The following ZNF239 variants were observed in gnomAD, a reference collection of about 807,000 sequenced individuals.
The protein encoded by ZNF239 is zinc finger protein 239.
A neutral mutation model predicts 27.5 loss-of-function variants in ZNF239; 16 were observed. The ratio of observed to expected loss-of-function variants is 0.58; its 90% CI spans 0.39 to 0.88. The LOEUF (loss-of-function observed/expected upper bound fraction) is 0.88, where lower values mean the gene tolerates loss of function less well. Ranked by LOEUF, ZNF239 falls within the 40% of genes least tolerant of loss-of-function variation. The pLI, the probability that ZNF239 is intolerant of heterozygous loss-of-function variation, is 0.00. For missense variants in ZNF239, 527 were observed against 551.9 expected, an observed-to-expected ratio of 0.95 and a Z score of 0.45; for synonymous variants, 199 against 192.6, an observed-to-expected ratio of 1.03 and a Z score of -0.27.
rs1300677985 is a variant in ZNF239, at chr10:43,557,459, G to A, written c.621C>T (p.Tyr207=). The change falls in exon 4 of 4, where the codon TAC becomes TAT. Residue 207 remains tyrosine, a synonymous_variant. Coordinates refer to ENST00000374446, the MANE Select transcript of ZNF239 (RefSeq NM_001099282.2). ...YEKIHTAEKQ[Y]ECSQCGKNFS... is the part of the protein sequence containing the mutation. ...AGTTCTTACCACACTGACTACATTC[G>A]TATTGTTTCTCTGCAGTGTGGATTT... The A allele has an allele frequency of 9.9e-6, 16 of 1,613,962 alleles. No individual in the cohort carries two copies. Among genetic ancestry groups the A allele is most frequent in the Admixed American group, 1.7e-5 (1 of 59,992 alleles).
At chr10:43,572,692 C>T (rs1184167672) in intron 2 of ZNF239, among the ~76,000 whole-genome samples, 3 of 152,144 alleles carry the variant, frequency 2.0e-5, no homozygotes, top group South Asian at 2.1e-4. Flanking sequence ...AAGAGGGGGC[C>T]GACCATCTCA....
At chr10:43,558,990 G>A (rs976918747) in intron 3 of ZNF239, among the ~76,000 whole-genome samples, 1 of 151,932 alleles carries the variant, frequency 6.6e-6, no homozygotes, top group Non-Finnish European at 1.5e-5. Flanking sequence ...CTCAGACCCT[G>A]GTGTTTAGGA....
intron 3 of ZNF239, among the ~76,000 whole-genome samples, chr10:43,565,793 T>C (rs10899829): frequency 0.97 from 131,365 of 135,952 alleles, 63,516 homozygotes; most frequent in East Asian, 1. Context: ...CCAGCCTGGG[T>C]GACAGAACAA....
At chr10:43,565,054 T>C (rs1253354694) in intron 3 of ZNF239, among the ~76,000 whole-genome samples, 1 of 152,094 alleles carries the variant, frequency 6.6e-6, no homozygotes, top group Non-Finnish European at 1.5e-5. Flanking sequence ...GGGGTGAGAA[T>C]TGGTTCATAG....
chr10:43,558,954 C>A (rs1342448543), intron 3 of ZNF239, among the ~76,000 whole-genome samples: 1 of 151,792 alleles, frequency 6.6e-6, no homozygotes, highest in East Asian at 1.9e-4. Flanking sequence ...TAACCAGCCA[C>A]GAAAGCACAG....
At chr10:43,563,597 A>G (rs1837424786) in intron 3 of ZNF239, among the ~76,000 whole-genome samples, 1 of 152,224 alleles carries the variant, frequency 6.6e-6, no homozygotes, top group Admixed American at 6.5e-5. Flanking sequence ...TCTTACTTGC[A>G]TAAAAGAAAA....
intron 2 of ZNF239, among the ~76,000 whole-genome samples, chr10:43,572,581 T>C (rs1838099723): frequency 1.3e-5 from 2 of 152,250 alleles, no homozygotes; most frequent in African/African-American, 2.4e-5. Context: ...GGTTTATTTC[T>C]GGCCTTCTGC....
chr10:43,557,020 T>C lies in ZNF239; in HGVS notation c.1060A>G (p.Lys354Glu). The change falls in exon 4 of 4, where the codon AAG becomes GAG. Residue 354 changes from lysine (K) to glutamate (E), a missense_variant. Transcript: ENST00000374446. ...AGGTTCGAGCTCTGACTGAAGCCCTTCCCACACTCACCACACTTGTAGGGC... is the reference window on the plus strand; with the variant it reads ...AGGTTCGAGCTCTGACTGAAGCCCTCCCCACACTCACCACACTTGTAGGGC... Reference protein sequence around the residue: ...ERPYKCGECGKGFSQSSNLHI... With the variant: ...ERPYKCGECGEGFSQSSNLHI... The C allele has an allele frequency of 6.2e-7, 1 of 1,613,980 alleles. No homozygotes were observed. Among genetic ancestry groups the C allele is most frequent in the Non-Finnish European group, 8.5e-7 (1 of 1,179,982 alleles).
At position 43,557,242 on chromosome 10, in the gene ZNF239, T is replaced by G. The variant is rs763990605; in HGVS notation, c.838A>C (p.Ile280Leu). ...TCGCCTGTATGGACGGCATGATGGA[T>G]GAGCAGACTTGAGCTCCTGGTGAAG... ...KGFTRSSSLLIHHAVHTGEKP... is the reference protein window; with the variant it reads ...KGFTRSSSLLLHHAVHTGEKP... The change falls in exon 4 of 4, where the codon ATC (isoleucine) becomes CTC (leucine). Residue 280 changes from isoleucine to leucine, a missense_variant. By Grantham distance (5) the Ile-to-Leu change is conservative (BLOSUM62 2). Coordinates refer to ENST00000374446, the MANE Select transcript of ZNF239 (RefSeq NM_001099282.2). The G allele has an allele frequency of 5.0e-6, 8 of 1,614,124 alleles. No individual in the cohort carries two copies. Among genetic ancestry groups the G allele is most frequent in the Non-Finnish European group, 6.8e-6 (8 of 1,180,008 alleles).
chr10:43,573,089 T>C (rs1402455819), intron 2 of ZNF239, among the ~76,000 whole-genome samples: 1 of 152,222 alleles, frequency 6.6e-6, no homozygotes, highest in Non-Finnish European at 1.5e-5. Context: ...AGAGTTCTGA[T>C]GCATAGCCTA....
At chr10:43,567,795 T>C (rs772399050) in intron 3 of ZNF239, 104 bp downstream of exon 3, 10 of 624,196 alleles carry the variant, frequency 1.6e-5, no homozygotes, top group Non-Finnish European at 1.6e-5. Context: ...TACCAAGTTC[T>C]TTAGCTGCTT....
At chr10:43,570,685 T>C in intron 2 of ZNF239, 1 of 939,582 alleles carries the variant, frequency 1.1e-6, no homozygotes, top group South Asian at 4.9e-5. Flanking sequence ...CTCCAATGTG[T>C]TACCTCTTTT....
At position 43,557,413 on chromosome 10, in the gene ZNF239, G is replaced by C; in HGVS notation, c.667C>G (p.Leu223Val). ...GKNFSQSSEL[L>V]LHQRDHTEEK... ...TCTGTGTGGTCTCTCTGATGAAGTA[G>C]TAGCTCTGAGCTTTGACTGAAGTTC... is the stretch of plus-strand genomic sequence containing the variant. The change falls in exon 4 of 4, where the codon CTA becomes GTA. Residue 223 changes from leucine to valine, a missense_variant. Leu to Val is a conservative substitution (Grantham distance 32, BLOSUM62 1). Coordinates refer to ENST00000374446, the MANE Select transcript of ZNF239 (RefSeq NM_001099282.2). The C allele has an allele frequency of 6.2e-7, 1 of 1,614,210 alleles. No homozygotes were observed. Among genetic ancestry groups the C allele is most frequent in the Non-Finnish European group, 8.5e-7 (1 of 1,180,040 alleles).
chr10:43,563,814 G>C (rs1837442169), intron 3 of ZNF239, among the ~76,000 whole-genome samples: 1 of 151,348 alleles, frequency 6.6e-6, no homozygotes, highest in South Asian at 2.1e-4. Flanking sequence ...TTTTTTTTGA[G>C]ATGGGGTCAC....
chr10:43,569,550 T>C (rs1242579854), intron 2 of ZNF239, among the ~76,000 whole-genome samples: 1 of 152,186 alleles, frequency 6.6e-6, no homozygotes, highest in Non-Finnish European at 1.5e-5. Flanking sequence ...TCATTGTAGC[T>C]TCTGCACTAG....
In ZNF239 at chr10:43,558,064, TA is replaced by T. The variant is rs765406745; in HGVS notation, c.15del (p.Thr6LeufsTer8). 7 of 1,613,658 alleles carry T rather than the reference TA, an allele frequency of 4.3e-6. No individual in the cohort carries two copies. Among genetic ancestry groups the T allele is most frequent in the Non-Finnish European group, 4.2e-6 (5 of 1,179,780 alleles). MAST[I>X]TGSQDCIVNH... ...TTCACAATACAATCCTGACTTCCAGTAATTGTACTGGCCATGCCTTCCAAAA... is the reference window on the plus strand; with the variant it reads ...TTCACAATACAATCCTGACTTCCAGTATTGTACTGGCCATGCCTTCCAAAA... On this transcript the variant is annotated frameshift_variant, in exon 4 of 4. Coordinates refer to ENST00000374446, the MANE Select transcript of ZNF239 (RefSeq NM_001099282.2). LOFTEE classifies it low-confidence loss of function (END_TRUNC).
At chr10:43,572,202 A>G (rs572206724) in intron 2 of ZNF239, among the ~76,000 whole-genome samples, 1 of 152,322 alleles carries the variant, frequency 6.6e-6, no homozygotes, top group East Asian at 1.9e-4. Flanking sequence ...AAAATTTACT[A>G]AACTGGCAAT....
chr10:43,559,293 A>C (rs771481861), intron 3 of ZNF239, among the ~76,000 whole-genome samples: 1 of 152,228 alleles, frequency 6.6e-6, no homozygotes, highest in Non-Finnish European at 1.5e-5. Context: ...ACACCACTGG[A>C]AAGCAAGACT....
intron 2 of ZNF239, chr10:43,571,015 A>G: frequency 2.0e-6 from 2 of 985,232 alleles, no homozygotes; most frequent in Non-Finnish European, 2.4e-6. Flanking sequence ...AAGCAAGACA[A>G]AGGTGGGACT....
Sources: allele counts gnomAD v4.1 joint callset (sites outside exome capture counted in the v4.1 genomes callset), GRCh38; gene constraint gnomAD v4.1.1; transcripts MANE v1.5; gene names NCBI Gene and HGNC (gene_info 2026-07-23, HGNC 2026-07-21).